Variants in SLIT2 observed in about 807,000 individuals in gnomAD.
SLIT2 encodes the protein slit guidance ligand 2.
In SLIT2, 41 loss-of-function variants were observed where a neutral mutation model predicts 185.7. The ratio of observed to expected loss-of-function variants is 0.22; its 90% CI spans 0.17 to 0.29. The LOEUF is 0.29. SLIT2 is among the 10% of genes least tolerant of loss of function. The pLI, the probability that SLIT2 is intolerant of heterozygous loss-of-function variation, is 1.00. For missense variants in SLIT2, 1,571 were observed against 1,909.0 expected (o/e 0.82, Z 3.30); for synonymous variants, 693 against 680.2 (o/e 1.02, Z -0.29).
At chr4:20,255,855 T>C (rs961566192) in intron 1 of SLIT2, among the ~76,000 whole-genome samples, 3 of 152,176 alleles carry the variant, frequency 2.0e-5, no homozygotes, top group African/African-American at 4.8e-5. Flanking sequence ...AAAGGTGATA[T>C]AGAGCTTACT....
intron 4 of SLIT2, among the ~76,000 whole-genome samples, chr4:20,434,584 G>A (rs892970191): frequency 2.0e-5 from 3 of 152,166 alleles, no homozygotes; most frequent in South Asian, 2.1e-4. Context: ...AGAGTCTTAC[G>A]ACTACAGGTA....
Position 20,532,075 on chromosome 4 carries a change from CT to C in SLIT2, c.1688+18del. Reference sequence around the variant, plus strand: ...ACGTAAAATGTAAGTCACTTGTTAGCTATTTTTTTTATTTCTGTAGCATTTT... The same window carrying C: ...ACGTAAAATGTAAGTCACTTGTTAGCATTTTTTTTATTTCTGTAGCATTTT... On this transcript the variant is annotated intron_variant, in intron 17 of 36. Coordinates refer to ENST00000504154, the MANE Select transcript of SLIT2 (RefSeq NM_004787.4). 7.2e-7 allele frequency: 1 copy of C among 1,397,714 alleles called. No homozygotes were observed. The highest frequency in any genetic ancestry group is 1.7e-5 in the African/African-American group (1 of 58,068). 86.6% of individuals were successfully genotyped at this position (1,397,714 alleles called of 1,614,324 possible).
chr4:20,381,749 C>T (rs1724531438), intron 4 of SLIT2, among the ~76,000 whole-genome samples: 1 of 151,936 alleles, frequency 6.6e-6, no homozygotes, highest in African/African-American at 2.4e-5. Context: ...ATTCTGCTAA[C>T]ATTTAAAGAA....
At chr4:20,476,940 A>G (rs958284658) in intron 5 of SLIT2, among the ~76,000 whole-genome samples, 7 of 152,148 alleles carry the variant, frequency 4.6e-5, no homozygotes, top group Non-Finnish European at 8.8e-5. Flanking sequence ...CCTAGAATAA[A>G]TCAAAATTTG....
chr4:20,608,764 A>G (rs190381004), intron 33 of SLIT2, among the ~76,000 whole-genome samples: 76 of 152,302 alleles, frequency 5.0e-4, no homozygotes, highest in African/African-American at 1.5e-3. Context: ...GCATTTTTCT[A>G]TCATTCCCTA....
intron 4 of SLIT2, among the ~76,000 whole-genome samples, chr4:20,297,588 A>G (rs1716610390): frequency 6.6e-6 from 1 of 152,200 alleles, no homozygotes; most frequent in Non-Finnish European, 1.5e-5. Context: ...AAAAATGTCA[A>G]TCTAATAAAT....
chr4:20,352,368 A>G (rs1721956193), intron 4 of SLIT2, among the ~76,000 whole-genome samples: 1 of 151,996 alleles, frequency 6.6e-6, no homozygotes, highest in Non-Finnish European at 1.5e-5. Context: ...TTTTGTCATC[A>G]GTTCTCTGAT....
intron 18 of SLIT2, among the ~76,000 whole-genome samples, chr4:20,539,114 G>A (rs1722575488): frequency 6.6e-6 from 1 of 152,156 alleles, no homozygotes; most frequent in African/African-American, 2.4e-5. Context: ...GACTCAGAGA[G>A]CTGTAGGTGA....
intron 9 of SLIT2, among the ~76,000 whole-genome samples, chr4:20,500,400 A>G (rs1473453219): frequency 6.6e-6 from 1 of 152,166 alleles, no homozygotes; most frequent in African/African-American, 2.4e-5. Flanking sequence ...GCAGTTTTAC[A>G]CATTCCTGAT....
At chr4:20,475,720 T>C (rs973364677) in intron 5 of SLIT2, among the ~76,000 whole-genome samples, 3 of 152,144 alleles carry the variant, frequency 2.0e-5, no homozygotes, top group African/African-American at 7.2e-5. Flanking sequence ...ATTATTATTA[T>C]CATTTTCAGT....
chr4:20,527,355 G>T (rs1291286011), intron 15 of SLIT2, among the ~76,000 whole-genome samples: 3 of 151,664 alleles, frequency 2.0e-5, no homozygotes, highest in Non-Finnish European at 4.4e-5. Context: ...GCATGATCTC[G>T]GCTCACTGCA....
intron 26 of SLIT2, among the ~76,000 whole-genome samples, chr4:20,563,043 C>T (rs1256076033): frequency 6.6e-6 from 1 of 151,744 alleles, no homozygotes; most frequent in Non-Finnish European, 1.5e-5. Context: ...GTCAAGTAAG[C>T]TAGTCTGCCT....
intron 21 of SLIT2, 42 bp from the exon 22 acceptor site, chr4:20,545,989 C>T: frequency 8.9e-7 from 1 of 1,129,428 alleles, no homozygotes; most frequent in Non-Finnish European, 1.3e-6. Context: ...TTCAAGGCCA[C>T]CATTACTTTG....
At position 20,297,454 on chromosome 4, in the gene SLIT2, T is replaced by A. The variant is rs543898993; in HGVS notation, c.395+28573T>A. On this transcript the variant is annotated intron_variant, in intron 4 of 36. Transcript: ENST00000504154. Reference sequence around the variant, plus strand: ...ACTTGAATGCTAAGAACTTGGATGTTTTGAATGAGCTATTCGCCAGCAGAT... The same window carrying A: ...ACTTGAATGCTAAGAACTTGGATGTATTGAATGAGCTATTCGCCAGCAGAT... Among the ~76,000 whole-genome samples, 214 of 152,300 alleles carry A rather than the reference T, an allele frequency of 1.4e-3. 1 individual carries two copies. Among genetic ancestry groups the A allele is most frequent in the Non-Finnish European group, 2.1e-3 (144 of 68,016 alleles).
intron 7 of SLIT2, 44 bp from the exon 8 acceptor site, chr4:20,488,775 G>A (rs368005354): frequency 3.3e-5 from 48 of 1,467,184 alleles, no homozygotes; most frequent in Admixed American, 2.0e-4. Context: ...ATGAAATAAC[G>A]ACTTTCTGTT....
chr4:20,366,794 T>G (rs950146624), intron 4 of SLIT2, among the ~76,000 whole-genome samples: 1 of 152,000 alleles, frequency 6.6e-6, no homozygotes, highest in Admixed American at 6.6e-5. Flanking sequence ...TTTTTTAGTT[T>G]AGTTTATTTT....
intron 4 of SLIT2, among the ~76,000 whole-genome samples, chr4:20,431,647 G>C (rs1728989097): frequency 6.6e-6 from 1 of 152,214 alleles, no homozygotes; most frequent in Non-Finnish European, 1.5e-5. Flanking sequence ...TACAGAGACA[G>C]AGAGAGAGTG....
At chr4:20,585,758 G>A (rs1383571197) in intron 29 of SLIT2, among the ~76,000 whole-genome samples, 1 of 152,048 alleles carries the variant, frequency 6.6e-6, no homozygotes, top group African/African-American at 2.4e-5. Context: ...TGAAAGGGAG[G>A]CAGCCATTGA....
chr4:20,271,603 G>A (rs1355734210), intron 4 of SLIT2, among the ~76,000 whole-genome samples: 1 of 149,596 alleles, frequency 6.7e-6, no homozygotes, highest in African/African-American at 2.5e-5. Context: ...CCTCTGTATA[G>A]GTTGTTCCGA....
Sources: allele counts gnomAD v4.1 joint callset (sites outside exome capture counted in the v4.1 genomes callset), GRCh38; gene constraint gnomAD v4.1.1; transcripts MANE v1.5; gene names NCBI Gene and HGNC (gene_info 2026-07-23, HGNC 2026-07-21).